The following NPHP1 variants were observed in gnomAD, a reference collection of about 807,000 sequenced individuals.
NPHP1 encodes nephrocystin 1.
NPHP1 carries 70 observed loss-of-function variants against 90.4 expected under a neutral mutation model. The ratio of observed to expected loss-of-function variants is 0.77; its 90% CI spans 0.64 to 0.95. NPHP1 has a LOEUF of 0.95. Ranked by LOEUF, NPHP1 falls within the 40% of genes least tolerant of loss-of-function variation. NPHP1 has a pLI of 0.00. For missense variants in NPHP1, 764 were observed against 795.9 expected (o/e 0.96, Z 0.48); for synonymous variants, 256 against 271.7 (o/e 0.94, Z 0.57).
chr2:110,125,699 ATAT>A lies in NPHP1; in HGVS notation c.1717-21_1717-19del. 6.2e-7 allele frequency: 1 copy of A among 1,608,778 alleles called. No homozygotes were observed. The highest frequency in any genetic ancestry group is 8.5e-7 in the Non-Finnish European group (1 of 1,175,692). ...CACGAACTCTAAAGAGCAAACAGAA[ATAT>A]TATGTTAGTCCAAGTAGTAACAAGT... On this transcript the variant is annotated intron_variant, in intron 18 of 19. Coordinates refer to ENST00000445609, the MANE Select transcript of NPHP1 (RefSeq NM_001128178.3).
intron 16 of NPHP1, among the ~76,000 whole-genome samples, chr2:110,139,204 TACACACACAC>T (rs35627203): frequency 4.7e-5 from 7 of 148,510 alleles, no homozygotes; most frequent in Admixed American, 2.0e-4. Context: ...ATAGCAAATT[TACACACACAC>T]ACACACACAC....
chr2:110,140,727 T>C (rs1247615804), intron 16 of NPHP1, among the ~76,000 whole-genome samples: 1 of 152,098 alleles, frequency 6.6e-6, no homozygotes, highest in Non-Finnish European at 1.5e-5. Context: ...TTCTTTCTAA[T>C]CTTGAAAAAT....
At chr2:110,191,028 T>C (rs1298413451) in intron 2 of NPHP1, among the ~76,000 whole-genome samples, 1 of 151,996 alleles carries the variant, frequency 6.6e-6, no homozygotes, top group African/African-American at 2.4e-5. Context: ...AAAGGAACAC[T>C]TGGGGCGGTT....
intron 6 of NPHP1, among the ~76,000 whole-genome samples, chr2:110,165,570 C>CTT (rs575166011): frequency 1.2e-3 from 175 of 151,896 alleles, no homozygotes; most frequent in African/African-American, 2.9e-3. Flanking sequence ...GATACAAAAT[C>CTT]AAAAATCATA....
rs1369388545 is a variant in NPHP1, at chr2:110,147,918, T to C, written c.1267A>G (p.Asn423Asp). 2 of 1,533,532 alleles carry C rather than the reference T, an allele frequency of 1.3e-6. No individual in the cohort carries two copies. The highest frequency in any genetic ancestry group is 1.4e-5 in the African/African-American group (1 of 73,388). 95.0% of individuals were successfully genotyped at this position (1,533,532 alleles called of 1,614,324 possible). Residue 423 changes from asparagine to aspartate, a missense_variant and splice_region_variant, in exon 13 of 20, where the codon AAT (asparagine) becomes GAT (aspartate). By Grantham distance (23) the Asn-to-Asp change is conservative. Coordinates refer to ENST00000445609, the MANE Select transcript of NPHP1 (RefSeq NM_001128178.3). ...GCCTTATCTTTCAACGGACATACATTGCGAATATAAGAAATTCCAAGTTCA... is the reference window on the plus strand; with the variant it reads ...GCCTTATCTTTCAACGGACATACATCGCGAATATAAGAAATTCCAAGTTCA... ...LFELGISYIRNSTGERGELSC... is the reference protein window; with the variant it reads ...LFELGISYIRDSTGERGELSC...
chr2:110,184,084 A>G, intron 2 of NPHP1: 1 of 531,798 alleles, frequency 1.9e-6, no homozygotes, highest in Non-Finnish European at 3.8e-6. Flanking sequence ...ATCACCAACC[A>G]GCCTGTCATG....
chr2:110,176,003 A>G (rs994327838), intron 4 of NPHP1, among the ~76,000 whole-genome samples: 5 of 151,330 alleles, frequency 3.3e-5, no homozygotes, highest in African/African-American at 1.2e-4. Context: ...CAGCAATTTT[A>G]TTTCACATAT....
At chr2:110,140,850 G>C (rs971868474) in intron 16 of NPHP1, among the ~76,000 whole-genome samples, 6 of 152,128 alleles carry the variant, frequency 3.9e-5, no homozygotes, top group Non-Finnish European at 7.4e-5. Flanking sequence ...ATTATTAATG[G>C]CTATTGAAAG....
intron 5 of NPHP1, among the ~76,000 whole-genome samples, chr2:110,169,201 A>T (rs1396002431): frequency 2.6e-5 from 4 of 152,144 alleles, no homozygotes; most frequent in African/African-American, 9.7e-5. Flanking sequence ...CTATAAATCA[A>T]ACCATATAAT....
chr2:110,185,270 G>A (rs756688256), intron 2 of NPHP1: 20 of 462,312 alleles, frequency 4.3e-5, no homozygotes, highest in Non-Finnish European at 7.3e-5. Context: ...GGAATTGCCT[G>A]TGTGTGTGAG....
Position 110,165,237 on chromosome 2 carries a change from C to A in NPHP1, c.625-82G>T, listed in dbSNP as rs116047229. The A allele has an allele frequency of 6.6e-3, 6,910 of 1,050,860 alleles. 297 individuals carry two copies. In the East Asian group the frequency reaches 0.11, roughly 17 times the overall value. 65.1% of individuals were successfully genotyped at this position (1,050,860 alleles called of 1,614,324 possible). On this transcript the variant is annotated intron_variant, in intron 6 of 19. Coordinates refer to ENST00000445609, the MANE Select transcript of NPHP1 (RefSeq NM_001128178.3). ...AAAATACCAGTACTGCCACCTAACC[C>A]TCCAGTAAAAACAAAAACAAGCTTT...
intron 11 of NPHP1, among the ~76,000 whole-genome samples, chr2:110,152,303 A>G (rs1681534961): frequency 6.6e-6 from 1 of 151,110 alleles, no homozygotes. Flanking sequence ...TTTTTTTTCT[A>G]AGAATGTACA....
In NPHP1 at chr2:110,193,074, G is replaced by C. The variant is rs112789806; in HGVS notation, c.143+8347C>G. ...AACATGCCAGATTGTGAAGACCATC[G>C]AGGCTAGGAAGAAACTGCATCAACT... is the stretch of plus-strand genomic sequence containing the variant. On this transcript the variant is annotated intron_variant, in intron 2 of 19. Coordinates refer to ENST00000445609, the MANE Select transcript of NPHP1 (RefSeq NM_001128178.3). Among the ~76,000 whole-genome samples the C allele has an allele frequency of 7.1e-3, 1,088 of 152,226 alleles. 15 individuals carry two copies. Among genetic ancestry groups the C allele is most frequent in the African/African-American group, 0.025 (1,023 of 41,534 alleles).
rs1388325838 is a variant in NPHP1 at position 110,196,254 on chromosome 2, A to C, written c.143+5167T>G. Among the ~76,000 whole-genome samples the C allele has an allele frequency of 2.6e-5, 4 of 152,168 alleles. 1 individual carries two copies. Among genetic ancestry groups the C allele is most frequent in the African/African-American group, 9.7e-5 (4 of 41,444 alleles). On this transcript the variant is annotated intron_variant, in intron 2 of 19. Transcript: ENST00000445609. ...GGGAGAAAATTGTTGCAATCTACTC[A>C]TCTGACAAAGGGCTAATATACAGAA...
At chr2:110,193,339 A>T (rs1219952016) in intron 2 of NPHP1, among the ~76,000 whole-genome samples, 2 of 152,144 alleles carry the variant, frequency 1.3e-5, no homozygotes, top group African/African-American at 4.8e-5. Context: ...AAAACAAAAA[A>T]AGGCAGGGGT....
chr2:110,174,647 T>C (rs1683383586), intron 4 of NPHP1, among the ~76,000 whole-genome samples: 1 of 152,140 alleles, frequency 6.6e-6, no homozygotes, highest in African/African-American at 2.4e-5. Context: ...ACAGTGCTTT[T>C]GTGGTCATTT....
intron 16 of NPHP1, 33 bp from the exon 17 acceptor site, chr2:110,131,824 C>T (rs2104438445): frequency 8.3e-7 from 1 of 1,201,508 alleles, no homozygotes; most frequent in Non-Finnish European, 1.2e-6. Context: ...ATTCATTAGA[C>T]AATCCCCTAC....
intron 11 of NPHP1, among the ~76,000 whole-genome samples, chr2:110,154,123 G>T (rs1396343449): frequency 6.6e-6 from 1 of 152,136 alleles, no homozygotes; most frequent in African/African-American, 2.4e-5. Context: ...GAATTATGGG[G>T]ATGGGTCTTT....
intron 6 of NPHP1, among the ~76,000 whole-genome samples, chr2:110,167,931 A>G (rs1302863760): frequency 6.6e-6 from 1 of 152,204 alleles, no homozygotes; most frequent in Non-Finnish European, 1.5e-5. Context: ...CAGCAAAAAG[A>G]TATCTCAGTG....
Sources: gnomAD v4.1 joint callset for allele counts (sites outside exome capture counted in the v4.1 genomes callset) on GRCh38, gnomAD v4.1.1 for gene constraint, MANE v1.5 for transcripts, NCBI Gene and HGNC (gene_info 2026-07-23, HGNC 2026-07-21) for gene names.